NRXN1: variants seen among roughly 807,000 people sequenced by gnomAD.
NRXN1 encodes neurexin 1.
In NRXN1, 39 loss-of-function variants were observed where a neutral mutation model predicts 150.9. That is an observed-to-expected ratio of 0.26 (90% CI 0.20 to 0.34). NRXN1 has a LOEUF of 0.34. Ranked by LOEUF, NRXN1 falls within the 10% of genes least tolerant of loss-of-function variation. The pLI is 1.00. For missense variants in NRXN1, 1,815 were observed against 1,949.9 expected, an observed-to-expected ratio of 0.93 and a Z score of 1.30; for synonymous variants, 924 against 757.0, an observed-to-expected ratio of 1.22 and a Z score of -3.62.
At chr2:50,710,203 G>A (rs955058920) in intron 5 of NRXN1, among the ~76,000 whole-genome samples, 11 of 152,138 alleles carry the variant, frequency 7.2e-5, no homozygotes, top group Admixed American at 3.9e-4. Context: ...TCGACCACAC[G>A]CCAGGAAAGA....
rs115249811 is a variant in NRXN1, at chr2:50,699,981, T to C, written c.833-76366A>G. ...TCTGTCCACTCACCCTGCTGCCTTC[T>C]TTAACTTACAAATTATGCACACAGT... On this transcript the variant is annotated intron_variant, in intron 5 of 22. Coordinates refer to ENST00000401669, the MANE Select transcript of NRXN1 (RefSeq NM_001330078.2). 1.6e-3 allele frequency among the ~76,000 whole-genome samples: 246 copies of C among 152,302 alleles called. 3 individuals carry two copies. Among genetic ancestry groups the C allele is most frequent in the Middle Eastern group, 6.8e-3 (2 of 294 alleles).
Position 50,770,545 on chromosome 2 carries a change from T to A in NRXN1, c.833-146930A>T, listed in dbSNP as rs184445413. Among the ~76,000 whole-genome samples the A allele has an allele frequency of 2.4e-3, 369 of 152,218 alleles. 6 individuals carry two copies. The highest frequency in any genetic ancestry group is 0.022 in the Admixed American group (331 of 15,266). On this transcript the variant is annotated intron_variant, in intron 5 of 22. Transcript: ENST00000401669. ...TATGGACTTTGCCATTAATTAGGTCTATGATTAATTTTTAGATCATTTATC... is the reference window on the plus strand; with the variant it reads ...TATGGACTTTGCCATTAATTAGGTCAATGATTAATTTTTAGATCATTTATC...
intron 5 of NRXN1, among the ~76,000 whole-genome samples, chr2:50,727,933 C>T (rs184299349): frequency 5.3e-5 from 8 of 152,104 alleles, no homozygotes; most frequent in Admixed American, 5.2e-4. Flanking sequence ...CAGGGTATCT[C>T]TTTACAAATT....
chr2:50,346,463 C>A lies in NRXN1; in HGVS notation c.3365-109493G>T, dbSNP rs909428256. Among the ~76,000 whole-genome samples, 1 of 152,036 alleles carries A rather than the reference C, an allele frequency of 6.6e-6. No homozygotes were observed. Among genetic ancestry groups the A allele is most frequent in the Non-Finnish European group, 1.5e-5 (1 of 68,016 alleles). ...TGTCCACATCTCTCTCCCAGTACCT[C>A]GACAAGGAACGCCCCTCCCACCCCT... On this transcript the variant is annotated intron_variant, in intron 17 of 22. Coordinates refer to ENST00000401669, the MANE Select transcript of NRXN1 (RefSeq NM_001330078.2). The surrounding 1 kb of genome is among the most constrained non-coding windows in gnomAD (Gnocchi z 5.0).
At position 50,091,319 on chromosome 2, in the gene NRXN1, T is replaced by A; in HGVS notation, c.3718+4A>T. On this transcript the variant is annotated splice_donor_region_variant and intron_variant, in intron 19 of 22. Coordinates refer to ENST00000401669, the MANE Select transcript of NRXN1 (RefSeq NM_001330078.2). ...CTTCCCCCGATACATATTCACTTGC[T>A]TACCTGCAGGGTAGCGCTCGATCAC... is the stretch of plus-strand genomic sequence containing the variant. The A allele has an allele frequency of 6.2e-7, 1 of 1,614,150 alleles. No homozygotes were observed.
intron 5 of NRXN1, among the ~76,000 whole-genome samples, chr2:50,819,477 A>C (rs1177713035): frequency 2.0e-5 from 3 of 152,124 alleles, no homozygotes; most frequent in Admixed American, 6.6e-5. Flanking sequence ...TAAAATGATC[A>C]AGTTCATATA....
At chr2:50,062,678 T>C (rs948246441) in intron 19 of NRXN1, among the ~76,000 whole-genome samples, 2 of 152,110 alleles carry the variant, frequency 1.3e-5, no homozygotes, top group South Asian at 2.1e-4. Flanking sequence ...AGAACAAAGA[T>C]AAATACAATT....
chr2:50,847,779 A>T (rs1464865888), intron 5 of NRXN1, among the ~76,000 whole-genome samples: 1 of 152,164 alleles, frequency 6.6e-6, no homozygotes, highest in Admixed American at 6.5e-5. Flanking sequence ...GCACACCGAC[A>T]GACGTCGGCA....
chr2:50,093,634 AAAAT>A lies in NRXN1; in HGVS notation c.3547-2144_3547-2141del, dbSNP rs531487793. On this transcript the variant is annotated intron_variant, in intron 18 of 22. Transcript: ENST00000401669. ...GGTTGACAGCGTAAGACCCTGTCTC[AAAAT>A]AAATAAATATTTTAAAAATTACCCT... Among the ~76,000 whole-genome samples the A allele has an allele frequency of 7.2e-5, 11 of 152,234 alleles. No homozygotes were observed. In the East Asian group the frequency reaches 2.1e-3, roughly 29 times the overall value.
At chr2:50,633,361 T>C (rs904517571) in intron 5 of NRXN1, among the ~76,000 whole-genome samples, 1 of 152,090 alleles carries the variant, frequency 6.6e-6, no homozygotes, top group Admixed American at 6.5e-5. Context: ...ACTAAAATTA[T>C]CTTGATATCC....
At chr2:50,931,380 T>C (rs148714076) in intron 2 of NRXN1, among the ~76,000 whole-genome samples, 228 of 152,248 alleles carry the variant, frequency 1.5e-3, no homozygotes, top group African/African-American at 5.2e-3. Context: ...AAATTAAAAA[T>C]ATGACTAAAC....
chr2:50,979,974 T>C (rs146684542), intron 2 of NRXN1, among the ~76,000 whole-genome samples: 1 of 152,214 alleles, frequency 6.6e-6, no homozygotes, highest in East Asian at 1.9e-4. Flanking sequence ...AATAATATAA[T>C]TAAATTGCTA....
At chr2:50,830,855 T>C (rs1351883602) in intron 5 of NRXN1, among the ~76,000 whole-genome samples, 1 of 152,012 alleles carries the variant, frequency 6.6e-6, no homozygotes, top group African/African-American at 2.4e-5. Flanking sequence ...CTCTTAAGTA[T>C]AGACCCAGCA....
intron 2 of NRXN1, chr2:50,985,550 T>C (rs1331039490): frequency 6.6e-6 from 1 of 151,622 alleles, no homozygotes; most frequent in East Asian, 1.9e-4. Context: ...AACTCAGAAA[T>C]ATTAATATCA....
At chr2:50,560,892 C>G (rs970629408) in intron 8 of NRXN1, among the ~76,000 whole-genome samples, 2 of 151,908 alleles carry the variant, frequency 1.3e-5, no homozygotes, top group African/African-American at 4.8e-5. Flanking sequence ...ACCCAAATAC[C>G]AAAACCTGTT....
At chr2:50,480,957 A>G (rs2090412467) in intron 15 of NRXN1, among the ~76,000 whole-genome samples, 1 of 152,206 alleles carries the variant, frequency 6.6e-6, no homozygotes, top group Non-Finnish European at 1.5e-5. Context: ...AATAACTGAC[A>G]TGAGTTAAGT....
chr2:50,364,138 T>C (rs550496386), intron 17 of NRXN1, among the ~76,000 whole-genome samples: 4 of 152,178 alleles, frequency 2.6e-5, no homozygotes, highest in South Asian at 2.1e-4. Context: ...ATACCTAATG[T>C]AGATGACAGG....
chr2:50,750,288 C>A (rs72837053), intron 5 of NRXN1, among the ~76,000 whole-genome samples: 26 of 152,006 alleles, frequency 1.7e-4, no homozygotes, highest in Non-Finnish European at 2.6e-4. Context: ...GTTTTGGTGG[C>A]TTCTATAGCT....
intron 17 of NRXN1, among the ~76,000 whole-genome samples, chr2:50,238,605 T>C (rs1056081815): frequency 2.6e-5 from 4 of 152,028 alleles, no homozygotes; most frequent in African/African-American, 9.7e-5. Flanking sequence ...ATACATTGAA[T>C]TGCCATGATT....
Sources: allele counts gnomAD v4.1 joint callset (sites outside exome capture counted in the v4.1 genomes callset), GRCh38; gene constraint gnomAD v4.1.1; non-coding constraint Gnocchi (gnomAD v3.1); transcripts MANE v1.5; gene names NCBI Gene and HGNC (gene_info 2026-07-23, HGNC 2026-07-21).